The following OPRM1 variants were observed in gnomAD, a reference collection of about 807,000 sequenced individuals.
OPRM1 encodes the protein opioid receptor mu 1, also known as mu-type opioid receptor.
Under a neutral mutation model 31.8 loss-of-function variants are expected in OPRM1, and 27 were observed. The observed-to-expected ratio is 0.85, with a 90% CI of 0.63 to 1.17. OPRM1 has a LOEUF of 1.17. Among genes scored for constraint, OPRM1 ranks in the 50% most tolerant of loss-of-function variants. OPRM1 has a pLI of 0.00. For missense variants in OPRM1, 536 were observed against 511.1 expected (o/e 1.05, Z -0.47); for synonymous variants, 196 against 189.9 (o/e 1.03, Z -0.26).
rs539265665 is a variant in OPRM1, at chr6:154,234,607, C to T, written c.1165-12086C>T. On this transcript the variant is annotated intron_variant, in intron 3 of 3. Transcript: ENST00000337049. ...ATATGGCTCTCTCACTATCACATTACGTCATATTTAGGTGGTGACCAAGAA... is the reference window on the plus strand; with the variant it reads ...ATATGGCTCTCTCACTATCACATTATGTCATATTTAGGTGGTGACCAAGAA... Among the ~76,000 whole-genome samples the T allele has an allele frequency of 4.6e-5, 7 of 152,282 alleles. No homozygotes were observed. The East Asian group carries it at 7.7e-4, about 17-fold the overall frequency.
At chr6:154,142,123 G>A (rs1159510856) in intron 3 of OPRM1, among the ~76,000 whole-genome samples, 11 of 54,010 alleles carry the variant, frequency 2.0e-4, no homozygotes, top group African/African-American at 5.7e-4. Context: ...ACCTCTGGCC[G>A]TCTCTGCTGG....
chr6:154,198,129 T>A (rs1444683542), intron 3 of OPRM1, among the ~76,000 whole-genome samples: 1 of 152,204 alleles, frequency 6.6e-6, no homozygotes. Flanking sequence ...AAGGAATGCA[T>A]TCCTTTCCAA....
intron 3 of OPRM1, chr6:154,094,412 A>G (rs1792987048): frequency 5.1e-6 from 2 of 391,924 alleles, no homozygotes; most frequent in Admixed American, 3.1e-5. Context: ...CTTTTGTTAC[A>G]TTACAAATCA....
At chr6:154,097,890 A>G (rs73574516) in intron 3 of OPRM1, among the ~76,000 whole-genome samples, 4,935 of 152,186 alleles carry the variant, frequency 0.032, 277 homozygotes, top group African/African-American at 0.11. Context: ...ATAGTTGAGG[A>G]AACTAATGTT....
chr6:154,108,329 A>C (rs1008947579), intron 3 of OPRM1: 2 of 250,194 alleles, frequency 8.0e-6, no homozygotes, highest in African/African-American at 4.5e-5. Flanking sequence ...CTCTGGGCAA[A>C]ACAGTTGCCC....
intron 1 of OPRM1, among the ~76,000 whole-genome samples, chr6:154,028,482 A>G (rs6905273): frequency 0.09 from 13,669 of 151,950 alleles, 1,102 homozygotes; most frequent in African/African-American, 0.21. Flanking sequence ...GCCACCACAT[A>G]CTCCTATAGT....
intron 1 of OPRM1, chr6:154,046,841 A>G (rs956577710): frequency 5.3e-5 from 8 of 152,196 alleles, no homozygotes; most frequent in Admixed American, 5.2e-4. Context: ...AAAAAATCTT[A>G]AACGCTTTCT....
chr6:154,029,616 A>G (rs939756214), intron 1 of OPRM1, among the ~76,000 whole-genome samples: 4 of 152,220 alleles, frequency 2.6e-5, no homozygotes, highest in Non-Finnish European at 4.4e-5. Context: ...ACATTTCCAG[A>G]TGAGATTTTC....
chr6:154,246,474 A>G (rs1426738583), intron 3 of OPRM1: 1 of 1,209,744 alleles, frequency 8.3e-7, no homozygotes, highest in African/African-American at 1.5e-5. Flanking sequence ...TTATTTGTTT[A>G]TTTACTCCGC....
At chr6:154,136,045 A>T (rs1209270270), downstream of OPRM1, among the ~76,000 whole-genome samples, 2 of 152,226 alleles carry the variant, frequency 1.3e-5, no homozygotes, top group South Asian at 2.1e-4. Context: ...TTGAGTGTTT[A>T]GCACCTATAA....
chr6:154,154,337 A>C (rs1378494527), intron 3 of OPRM1, among the ~76,000 whole-genome samples: 1 of 152,226 alleles, frequency 6.6e-6, no homozygotes, highest in African/African-American at 2.4e-5. Context: ...AAAATTCTTT[A>C]AACAAAATGT....
chr6:154,083,733 G>A (rs1046992133), intron 1 of OPRM1: 1 of 152,436 alleles, frequency 6.6e-6, no homozygotes, highest in African/African-American at 2.4e-5. Flanking sequence ...ACGAGGTCAG[G>A]AGATCGAGAC....
At position 154,180,412 on chromosome 6, in the gene OPRM1, ATAT is replaced by A. The variant is rs1427080155; in HGVS notation, c.1165-66279_1165-66277del. On this transcript the variant is annotated intron_variant, in intron 3 of 3. Coordinates refer to the OPRM1 transcript ENST00000337049. ...TATATATATATATATATATATATAT[ATAT>A]TTTTTTTTTAAACATGATCCTTCTT... 4.7e-4 allele frequency among the ~76,000 whole-genome samples: 24 copies of A among 50,814 alleles called. No homozygotes were observed. The South Asian group carries it at 5.0e-3, about 11-fold the overall frequency. 33.3% of individuals were successfully genotyped at this position (50,814 alleles called of 152,430 possible).
At chr6:154,176,031 T>C (rs1029376870) in intron 3 of OPRM1, among the ~76,000 whole-genome samples, 21 of 152,172 alleles carry the variant, frequency 1.4e-4, no homozygotes, top group African/African-American at 5.1e-4. Flanking sequence ...CCCAAATCAA[T>C]AGACATAATC....
downstream of OPRM1, among the ~76,000 whole-genome samples, chr6:154,135,378 G>A (rs9371328): frequency 0.12 from 18,000 of 152,094 alleles, 1,663 homozygotes; most frequent in East Asian, 0.4. Context: ...CTGAGGCAGG[G>A]AGAATCGCTT....
rs1016458105 is a variant in OPRM1, at chr6:154,130,523, A to G, written c.*11802A>G. On this transcript the variant is annotated 3_prime_UTR_variant, in exon 4 of 4. Coordinates refer to ENST00000330432, the MANE Select transcript of OPRM1 (RefSeq NM_000914.5). Reference sequence around the variant, plus strand: ...TCCATAAAATTCAATGCTACCATTTATAATTTAATACTCCTACCATAAAAA... The same window carrying G: ...TCCATAAAATTCAATGCTACCATTTGTAATTTAATACTCCTACCATAAAAA... 3.9e-5 allele frequency among the ~76,000 whole-genome samples: 6 copies of G among 152,172 alleles called. No individual in the cohort carries two copies. The highest frequency in any genetic ancestry group is 3.3e-4 in the Admixed American group (5 of 15,276).
intron 3 of OPRM1, among the ~76,000 whole-genome samples, chr6:154,185,508 T>C (rs1801261063): frequency 6.6e-6 from 1 of 152,212 alleles, no homozygotes; most frequent in African/African-American, 2.4e-5. Context: ...GTCTAGTTTG[T>C]ATGGCTGATA....
At chr6:154,166,752 C>G (rs1400527991) in intron 3 of OPRM1, among the ~76,000 whole-genome samples, 1 of 152,188 alleles carries the variant, frequency 6.6e-6, no homozygotes, top group Non-Finnish European at 1.5e-5. Flanking sequence ...ACTTTACTCA[C>G]TCATATCAGC....
intron 3 of OPRM1, among the ~76,000 whole-genome samples, chr6:154,218,370 T>C (rs1295025204): frequency 6.6e-6 from 1 of 152,222 alleles, no homozygotes; most frequent in Non-Finnish European, 1.5e-5. Flanking sequence ...TACTTTTAAA[T>C]TGAGACTCAC....
Sources: allele counts gnomAD v4.1 joint callset (sites outside exome capture counted in the v4.1 genomes callset), GRCh38; gene constraint gnomAD v4.1.1; transcripts MANE v1.5; gene names NCBI Gene and HGNC (gene_info 2026-07-23, HGNC 2026-07-21).